Variants in PCDH17 observed in about 807,000 individuals in gnomAD.
PCDH17 encodes protocadherin 17, also known as protocadherin-17.
A neutral mutation model predicts 67.7 loss-of-function variants in PCDH17; 21 were observed. The observed-to-expected ratio is 0.31, with a 90% CI of 0.22 to 0.45. PCDH17 has a LOEUF of 0.45. Among genes scored for constraint, PCDH17 ranks in the 20% least tolerant of loss-of-function variants. PCDH17 has a pLI of 1.00. For synonymous variants in PCDH17, 701 were observed against 656.7 expected, an observed-to-expected ratio of 1.07 and a Z score of -1.03; for missense variants, 1,471 against 1,564.8, an observed-to-expected ratio of 0.94 and a Z score of 1.01.
chr13:57,714,356 T>A (rs964799542), intron 3 of PCDH17, among the ~76,000 whole-genome samples: 2 of 151,718 alleles, frequency 1.3e-5, no homozygotes, highest in African/African-American at 4.8e-5. Context: ...CTCTCTTGCT[T>A]GCTTCTTACA....
rs894169364 is a variant in PCDH17, at chr13:57,632,514, C to G, written c.-33C>G. The G allele has an allele frequency of 4.4e-6, 7 of 1,595,262 alleles. No individual in the cohort carries two copies. The highest frequency in any genetic ancestry group is 1.7e-4 in the Middle Eastern group (1 of 5,946). On this transcript the variant is annotated 5_prime_UTR_variant, in exon 1 of 4. Coordinates refer to ENST00000377918, the MANE Select transcript of PCDH17 (RefSeq NM_001040429.3). ...CACTCCCTCTCTGGCTCCTCCAGTCCGATTGCTCCTGCCCCCACCTTACAG... is the reference window on the plus strand; with the variant it reads ...CACTCCCTCTCTGGCTCCTCCAGTCGGATTGCTCCTGCCCCCACCTTACAG...
At chr13:57,689,555 A>G (rs1955538338) in intron 3 of PCDH17, among the ~76,000 whole-genome samples, 1 of 152,044 alleles carries the variant, frequency 6.6e-6, no homozygotes. Context: ...TAAAGTACCA[A>G]ACATTCATGG....
intron 3 of PCDH17, among the ~76,000 whole-genome samples, chr13:57,715,956 C>T (rs2138095450): frequency 6.6e-6 from 1 of 151,988 alleles, no homozygotes; most frequent in African/African-American, 2.4e-5. Context: ...ATGCTGGTAA[C>T]ATAAAATACC....
In PCDH17 at chr13:57,725,108, G is replaced by A; in HGVS notation, c.3294G>A (p.Arg1098=). ...PPFMASDQMA[R]VFADVHSRAS... ...TCATGGCTTCCGATCAGATGGCAAG[G>A]GTCTTTGCAGATGTGCATTCCAGAG... Residue 1098 remains arginine, a synonymous_variant, in exon 4 of 4, where the codon AGG becomes AGA. Coordinates refer to ENST00000377918, the MANE Select transcript of PCDH17 (RefSeq NM_001040429.3). The A allele has an allele frequency of 1.2e-6, 2 of 1,614,124 alleles. No homozygotes were observed. Among genetic ancestry groups the A allele is most frequent in the Non-Finnish European group, 8.5e-7 (1 of 1,180,000 alleles).
chr13:57,663,455 C>A (rs556448865), intron 1 of PCDH17, among the ~76,000 whole-genome samples: 196 of 152,194 alleles, frequency 1.3e-3, no homozygotes, highest in Middle Eastern at 6.8e-3. Flanking sequence ...TCTTATACTT[C>A]TAATTAAATG....
At chr13:57,631,580 G>A (rs1450282462), upstream of PCDH17, among the ~76,000 whole-genome samples, 1 of 152,170 alleles carries the variant, frequency 6.6e-6, no homozygotes, top group African/African-American at 2.4e-5. Flanking sequence ...ACGAACAGAG[G>A]CGAAGATTTA....
At chr13:57,631,126 A>G (rs1471258609), upstream of PCDH17, among the ~76,000 whole-genome samples, 1 of 151,942 alleles carries the variant, frequency 6.6e-6, no homozygotes, top group African/African-American at 2.4e-5. Flanking sequence ...TCCTCCTACT[A>G]TAAGAGAAAA....
At chr13:57,642,301 G>C (rs1376417575) in intron 1 of PCDH17, among the ~76,000 whole-genome samples, 1 of 151,626 alleles carries the variant, frequency 6.6e-6, no homozygotes, top group East Asian at 1.9e-4. Context: ...CCTTTGTAGG[G>C]TTTGAAAGCT....
At chr13:57,655,169 GT>G (rs749473095) in intron 1 of PCDH17, among the ~76,000 whole-genome samples, 1 of 150,494 alleles carries the variant, frequency 6.6e-6, no homozygotes, top group Non-Finnish European at 1.5e-5. Flanking sequence ...ATTTTATTTT[GT>G]TTTTTCTATT....
chr13:57,650,375 A>G (rs568362106), intron 1 of PCDH17, among the ~76,000 whole-genome samples: 1 of 152,062 alleles, frequency 6.6e-6, no homozygotes, highest in South Asian at 2.1e-4. Flanking sequence ...CAACTAGTCT[A>G]TCATTGAACT....
At chr13:57,710,850 A>G (rs1392064983) in intron 3 of PCDH17, among the ~76,000 whole-genome samples, 2 of 152,116 alleles carry the variant, frequency 1.3e-5, no homozygotes. Flanking sequence ...TATGGAAATG[A>G]ATGGAAACTG....
intron 3 of PCDH17, among the ~76,000 whole-genome samples, chr13:57,711,888 T>C (rs1023878317): frequency 1.3e-5 from 2 of 151,466 alleles, no homozygotes; most frequent in Admixed American, 6.6e-5. Context: ...TTAGGATGTA[T>C]ACTTTTTAAT....
At chr13:57,697,457 C>T (rs1955621042) in intron 3 of PCDH17, among the ~76,000 whole-genome samples, 1 of 151,442 alleles carries the variant, frequency 6.6e-6, no homozygotes, top group African/African-American at 2.4e-5. Context: ...TTGATCTTGC[C>T]AAATAAGCAA....
intron 1 of PCDH17, among the ~76,000 whole-genome samples, chr13:57,638,027 G>C (rs1216722104): frequency 6.6e-6 from 1 of 151,948 alleles, no homozygotes; most frequent in Non-Finnish European, 1.5e-5. Flanking sequence ...AAAGTATAAA[G>C]TGTTTAAACA....
At chr13:57,661,320 C>T (rs897546861) in intron 1 of PCDH17, among the ~76,000 whole-genome samples, 7 of 152,002 alleles carry the variant, frequency 4.6e-5, no homozygotes, top group African/African-American at 7.2e-5. Context: ...AGTGTTAAGC[C>T]TTTCAAGTGT....
At chr13:57,696,439 T>G (rs1373641717) in intron 3 of PCDH17, among the ~76,000 whole-genome samples, 1 of 151,248 alleles carries the variant, frequency 6.6e-6, no homozygotes, top group Non-Finnish European at 1.5e-5. Flanking sequence ...TGTAGAGAAA[T>G]ATAATAAAAT....
At chr13:57,724,560 T>C (rs1955896657) in intron 3 of PCDH17, 52 bp from the exon 4 acceptor site, 2 of 1,478,770 alleles carry the variant, frequency 1.4e-6, no homozygotes, top group Non-Finnish European at 1.9e-6. Context: ...TCTGTAGAAA[T>C]TTAAAGAAAA....
At chr13:57,680,487 A>G (rs922361007) in intron 3 of PCDH17, among the ~76,000 whole-genome samples, 1 of 151,674 alleles carries the variant, frequency 6.6e-6, no homozygotes, top group African/African-American at 2.4e-5. Flanking sequence ...AAGGACTTGA[A>G]TGCCATACTA....
chr13:57,722,104 T>C (rs1955876496), intron 3 of PCDH17, among the ~76,000 whole-genome samples: 1 of 152,172 alleles, frequency 6.6e-6, no homozygotes, highest in South Asian at 2.1e-4. Context: ...CTCCCCACGA[T>C]GTGACATAAA....
Sources: allele counts gnomAD v4.1 joint callset (sites outside exome capture counted in the v4.1 genomes callset), GRCh38; gene constraint gnomAD v4.1.1; transcripts MANE v1.5; gene names NCBI Gene and HGNC (gene_info 2026-07-23, HGNC 2026-07-21).